Variants in AACS observed in about 807,000 individuals in gnomAD.
The protein encoded by AACS is acetoacetyl-CoA synthetase, also known as acetoacetate-CoA ligase.
In AACS, 69 loss-of-function variants were observed where a neutral mutation model predicts 83.1. The observed-to-expected ratio is 0.83, with a 90% CI of 0.68 to 1.01. AACS has a LOEUF of 1.01. Ranked by LOEUF, AACS falls within the 50% of genes least tolerant of loss-of-function variation. The probability of loss-of-function intolerance (pLI) is 0.00; values close to 1 mark genes in which losing one functional copy is unlikely to be tolerated. For missense variants in AACS, 866 were observed against 882.2 expected (o/e 0.98, Z 0.23); for synonymous variants, 333 against 343.4 (o/e 0.97, Z 0.33).
intron 5 of AACS, among the ~76,000 whole-genome samples, chr12:125,099,282 A>T (rs1006427690): frequency 6.6e-6 from 1 of 152,170 alleles, no homozygotes; most frequent in Non-Finnish European, 1.5e-5. Context: ...CGCAGAAGGG[A>T]TGCTGTAGCT....
intron 8 of AACS, among the ~76,000 whole-genome samples, chr12:125,112,275 CT>C (rs1956969075): frequency 6.6e-6 from 1 of 152,150 alleles, no homozygotes; most frequent in Non-Finnish European, 1.5e-5. Flanking sequence ...TTGACCCTGA[CT>C]GGGGATTCTT....
At position 125,118,759 on chromosome 12, in the gene AACS, G is replaced by A; in HGVS notation, c.1115G>A (p.Arg372Lys). Residue 372 changes from arginine (R) to lysine (K), a missense_variant, in exon 10 of 18, where the codon AGG (arginine) becomes AAG (lysine). Physicochemically the swap from Arg to Lys is conservative, Grantham distance 26. Transcript: ENST00000316519. ...TPNVLWDLVD[R>K]IGITVLVTGA... ...AATGTGCTCTGGGACCTGGTTGACA[G>A]GATAGGGTAGGTACCAAGATGCTGT... 6.2e-7 allele frequency: 1 copy of A among 1,614,076 alleles called. No homozygotes were observed. Among genetic ancestry groups the A allele is most frequent in the Non-Finnish European group, 8.5e-7 (1 of 1,179,970 alleles).
intron 5 of AACS, among the ~76,000 whole-genome samples, chr12:125,095,057 C>G (rs886764954): frequency 6.6e-6 from 1 of 151,786 alleles, no homozygotes; most frequent in Admixed American, 6.6e-5. Context: ...CATTCTCGCT[C>G]GCTCTGGGTG....
Position 125,108,048 on chromosome 12 carries a change from C to T in AACS, c.915+780C>T, listed in dbSNP as rs375413007. Among the ~76,000 whole-genome samples, 18 of 152,176 alleles carry T rather than the reference C, an allele frequency of 1.2e-4. 1 individual carries two copies. The highest frequency in any genetic ancestry group is 4.3e-4 in the African/African-American group (18 of 41,514). ...TCTGTGAAGCTGTCATTACATGGAGCGGAATGTGTGCACGTGCTGGGGGCG... is the reference window on the plus strand; with the variant it reads ...TCTGTGAAGCTGTCATTACATGGAGTGGAATGTGTGCACGTGCTGGGGGCG... On this transcript the variant is annotated intron_variant, in intron 8 of 17. Coordinates refer to ENST00000316519, the MANE Select transcript of AACS (RefSeq NM_023928.5).
rs1957471746 is a variant in AACS, at chr12:125,140,609, T to C, written c.1882-1483T>C. On this transcript the variant is annotated intron_variant, in intron 17 of 17. Coordinates refer to ENST00000316519, the MANE Select transcript of AACS (RefSeq NM_023928.5). This position sits in a 1 kb window ranked among gnomAD's most constrained non-coding sequence, Gnocchi z 5.1. ...AATGAATTTTAATTACATCTCAGGTTAAAAAAAAAAAAAGGCGCCAGTGAT... is the reference window on the plus strand; with the variant it reads ...AATGAATTTTAATTACATCTCAGGTCAAAAAAAAAAAAAGGCGCCAGTGAT... 1 of 144,538 alleles carries C rather than the reference T, an allele frequency of 6.9e-6. No individual in the cohort carries two copies. Among genetic ancestry groups the C allele is most frequent in the African/African-American group, 2.5e-5 (1 of 39,314 alleles). 9.0% of individuals were successfully genotyped at this position (144,538 alleles called of 1,614,324 possible).
chr12:125,089,017 G>C (rs1001792197), intron 4 of AACS, among the ~76,000 whole-genome samples: 1 of 152,156 alleles, frequency 6.6e-6, no homozygotes, highest in Non-Finnish European at 1.5e-5. Flanking sequence ...GGTTCCCAGG[G>C]TTGGCGTCTG....
At chr12:125,069,499 C>T (rs1193651223) in intron 1 of AACS, among the ~76,000 whole-genome samples, 1 of 152,234 alleles carries the variant, frequency 6.6e-6, no homozygotes, top group African/African-American at 2.4e-5. Flanking sequence ...CTGAAGCCAC[C>T]TGTGCACTCC....
chr12:125,134,867 T>A lies in AACS; in HGVS notation c.1678+15T>A, dbSNP rs755963529. On this transcript the variant is annotated intron_variant, in intron 16 of 17. Transcript: ENST00000316519. ...CTATAACATTGGTACGTGCTTCCCCTCCCTGAGCGTTCTCCAGTCTCCAGG... is the reference window on the plus strand; with the variant it reads ...CTATAACATTGGTACGTGCTTCCCCACCCTGAGCGTTCTCCAGTCTCCAGG... The A allele has an allele frequency of 6.2e-7, 1 of 1,613,934 alleles. No homozygotes were observed. Among genetic ancestry groups the A allele is most frequent in the South Asian group, 1.1e-5 (1 of 91,032 alleles).
In AACS at chr12:125,130,029, G is replaced by T. The variant is rs1365303220; in HGVS notation, c.1549+569G>T. Among the ~76,000 whole-genome samples the T allele has an allele frequency of 6.6e-6, 1 of 152,202 alleles. No homozygotes were observed. The highest frequency in any genetic ancestry group is 1.5e-5 in the Non-Finnish European group (1 of 68,032). ...AGGGAAGTCTTTTATTTAAAGCTCT[G>T]ATTCCTGCCTCCCTCTAATCTTATT... On this transcript the variant is annotated intron_variant, in intron 14 of 17. Transcript: ENST00000316519. This position sits in a 1 kb window ranked among gnomAD's most constrained non-coding sequence, Gnocchi z 4.9.
chr12:125,097,815 G>A lies in AACS; in HGVS notation c.571-4864G>A, dbSNP rs1267912058. Among the ~76,000 whole-genome samples, 2 of 152,156 alleles carry A rather than the reference G, an allele frequency of 1.3e-5. No individual in the cohort carries two copies. The highest frequency in any genetic ancestry group is 3.9e-4 in the East Asian group (2 of 5,188). On this transcript the variant is annotated intron_variant, in intron 5 of 17. Coordinates refer to ENST00000316519, the MANE Select transcript of AACS (RefSeq NM_023928.5). The surrounding 1 kb of genome is among the most constrained non-coding windows in gnomAD (Gnocchi z 4.3). ...CCGCCACTACAACCCTGCCAAACCA[G>A]GAGCTCGGGCTGTGCGCCACACCCT...
At chr12:125,133,355 C>A (rs1565955146) in intron 14 of AACS, among the ~76,000 whole-genome samples, 1 of 152,218 alleles carries the variant, frequency 6.6e-6, no homozygotes, top group East Asian at 1.9e-4. Flanking sequence ...GGTGCCACCC[C>A]AGCGTGCAGG....
intron 3 of AACS, among the ~76,000 whole-genome samples, chr12:125,082,454 G>T (rs1477007680): frequency 6.6e-6 from 1 of 151,576 alleles, no homozygotes; most frequent in Non-Finnish European, 1.5e-5. Context: ...GGGATTACAG[G>T]TGTGAGCTGT....
Position 125,113,034 on chromosome 12 carries a change from C to T in AACS, c.916-1443C>T, listed in dbSNP as rs1592986439. ...ATGCAGACTTGGAGCCAAACCATAT[C>T]AGGCAGCGTCTGCCTGTCTGCCTGG... On this transcript the variant is annotated intron_variant, in intron 8 of 17. Coordinates refer to ENST00000316519, the MANE Select transcript of AACS (RefSeq NM_023928.5). This position sits in a 1 kb window ranked among gnomAD's most constrained non-coding sequence, Gnocchi z 4.8. Among the ~76,000 whole-genome samples, 1 of 152,346 alleles carries T rather than the reference C, an allele frequency of 6.6e-6. No homozygotes were observed. The highest frequency in any genetic ancestry group is 1.5e-5 in the Non-Finnish European group (1 of 68,034).
intron 8 of AACS, among the ~76,000 whole-genome samples, chr12:125,110,792 C>T (rs933254738): frequency 1.3e-5 from 2 of 152,184 alleles, no homozygotes; most frequent in Non-Finnish European, 2.9e-5. Context: ...CTTTTATAGA[C>T]GTTCCCTCTA....
intron 17 of AACS, 67 bp downstream of exon 17, chr12:125,136,931 G>C: frequency 6.6e-7 from 1 of 1,524,572 alleles, no homozygotes. Context: ...ATTGAGGGGC[G>C]CTTACATCTG....
In AACS at chr12:125,136,921, A is replaced by G. The variant is rs539659094; in HGVS notation, c.1881+57A>G. On this transcript the variant is annotated intron_variant, in intron 17 of 17. Transcript: ENST00000316519. ...CAGCCATCGCCCCACGAGCCCACAC[A>G]TTGAGGGGCGCTTACATCTGAGCAG... 223 of 1,561,498 alleles carry G rather than the reference A, an allele frequency of 1.4e-4. 1 individual carries two copies. Among genetic ancestry groups the G allele is most frequent in the Admixed American group, 2.0e-4 (12 of 59,134 alleles).
chr12:125,070,042 C>T lies in AACS; in HGVS notation c.134-3834C>T, dbSNP rs545625576. Among the ~76,000 whole-genome samples the T allele has an allele frequency of 1.9e-3, 296 of 152,252 alleles. 2 individuals are homozygous for T. Among genetic ancestry groups the T allele is most frequent in the African/African-American group, 7.0e-3 (291 of 41,536 alleles). ...TCCTTGTCTATGAGGAACATCTGAA[C>T]CCCCGGCCCATCCCATGGAATGCAA... On this transcript the variant is annotated intron_variant, in intron 1 of 17. Transcript: ENST00000316519.
chr12:125,102,520 A>G, intron 5 of AACS, 159 bp from the exon 6 acceptor site: 1 of 660,368 alleles, frequency 1.5e-6, no homozygotes, highest in Non-Finnish European at 2.7e-6. Flanking sequence ...GCTGGAATGC[A>G]GTGGTGCAAG....
intron 2 of AACS, among the ~76,000 whole-genome samples, chr12:125,075,722 C>G (rs7132176): frequency 0.14 from 21,160 of 151,588 alleles, 1,863 homozygotes; most frequent in East Asian, 0.24. Flanking sequence ...GCCTCCCCAG[C>G]AGCTGGGACT....
Sources: allele counts gnomAD v4.1 joint callset (sites outside exome capture counted in the v4.1 genomes callset), GRCh38; gene constraint gnomAD v4.1.1; non-coding constraint Gnocchi (gnomAD v3.1); transcripts MANE v1.5; gene names NCBI Gene and HGNC (gene_info 2026-07-23, HGNC 2026-07-21).